CACNA2D3: variants seen among roughly 807,000 people sequenced by gnomAD.
The protein encoded by CACNA2D3 is calcium voltage-gated channel auxiliary subunit alpha2delta 3.
In CACNA2D3, 60 loss-of-function variants were observed where a neutral mutation model predicts 160.6. The observed-to-expected ratio is 0.37, with a 90% CI of 0.30 to 0.46. CACNA2D3 has a LOEUF of 0.46. Among genes scored for constraint, CACNA2D3 ranks in the 20% least tolerant of loss-of-function variants. The probability of loss-of-function intolerance (pLI) is 1.00; values close to 1 mark genes in which losing one functional copy is unlikely to be tolerated. For missense variants in CACNA2D3, 1,205 were observed against 1,365.0 expected (o/e 0.88, Z 1.85); for synonymous variants, 558 against 492.9 (o/e 1.13, Z -1.75).
chr3:54,293,919 C>A (rs1166391270), intron 2 of CACNA2D3, among the ~76,000 whole-genome samples: 1 of 152,014 alleles, frequency 6.6e-6, no homozygotes. Context: ...AATTGCACAC[C>A]CAAAAGAGTG....
intron 2 of CACNA2D3, among the ~76,000 whole-genome samples, chr3:54,203,804 C>G (rs1000033893): frequency 2.0e-5 from 3 of 152,088 alleles, no homozygotes; most frequent in Non-Finnish European, 4.4e-5. Context: ...TCTTCTTCCG[C>G]TGATGTGCCT....
intron 34 of CACNA2D3, among the ~76,000 whole-genome samples, chr3:55,011,701 A>G (rs1703215283): frequency 6.6e-6 from 1 of 152,196 alleles, no homozygotes; most frequent in African/African-American, 2.4e-5. Flanking sequence ...TATGGGAAAT[A>G]GGGAGTCAAT....
intron 35 of CACNA2D3, among the ~76,000 whole-genome samples, chr3:55,052,803 T>C (rs905899371): frequency 3.3e-5 from 5 of 152,180 alleles, no homozygotes; most frequent in Admixed American, 2.6e-4. Context: ...ATATAGCTAC[T>C]GCAGGTTCAT....
chr3:54,773,393 A>C (rs1559577230), intron 13 of CACNA2D3, among the ~76,000 whole-genome samples: 1 of 152,206 alleles, frequency 6.6e-6, no homozygotes, highest in Admixed American at 6.5e-5. Flanking sequence ...CAATCGTCAA[A>C]ACAAAGAGAC....
intron 11 of CACNA2D3, among the ~76,000 whole-genome samples, chr3:54,697,145 G>A (rs1280147555): frequency 1.3e-5 from 2 of 152,138 alleles, no homozygotes; most frequent in African/African-American, 4.8e-5. Context: ...AGGCATGGTG[G>A]TGCATGCTTG....
At chr3:54,709,437 CTAAAGCCT>C (rs2106960804) in intron 11 of CACNA2D3, among the ~76,000 whole-genome samples, 1 of 151,922 alleles carries the variant, frequency 6.6e-6, no homozygotes, top group Non-Finnish European at 1.5e-5. Context: ...TCTCGATTCA[CTAAAGCCT>C]TAGCCTCCTG....
At chr3:54,879,249 T>A (rs1699735562) in intron 19 of CACNA2D3, 101 bp from the exon 20 acceptor site, 1 of 935,336 alleles carries the variant, frequency 1.1e-6, no homozygotes, top group Non-Finnish European at 1.6e-6. Flanking sequence ...GTTAACCTGA[T>A]CATAGTGTGT....
chr3:54,555,437 C>T (rs1352502394), intron 5 of CACNA2D3, among the ~76,000 whole-genome samples: 3 of 152,070 alleles, frequency 2.0e-5, no homozygotes, highest in African/African-American at 7.2e-5. Context: ...AGAGAGAAGA[C>T]CCTATGTAGC....
chr3:54,459,570 C>A (rs1700461051), intron 4 of CACNA2D3, among the ~76,000 whole-genome samples: 1 of 152,082 alleles, frequency 6.6e-6, no homozygotes, highest in South Asian at 2.1e-4. Flanking sequence ...TAAATGTCTT[C>A]TTTTGAGAAG....
intron 9 of CACNA2D3, among the ~76,000 whole-genome samples, chr3:54,588,155 A>G (rs183381641): frequency 2.6e-5 from 4 of 152,248 alleles, no homozygotes; most frequent in African/African-American, 4.8e-5. Context: ...CCAATGTAAC[A>G]TCCATGTCAA....
At chr3:54,350,992 T>TTTTTG (rs1698551874) in intron 3 of CACNA2D3, among the ~76,000 whole-genome samples, 3 of 111,032 alleles carry the variant, frequency 2.7e-5, no homozygotes, top group Non-Finnish European at 5.9e-5. Context: ...GTTTGTTTTT[T>TTTTTG]TTTTTTTTTT....
At chr3:55,072,347 A>C (rs762633511) in intron 35 of CACNA2D3, among the ~76,000 whole-genome samples, 1 of 151,656 alleles carries the variant, frequency 6.6e-6, no homozygotes, top group East Asian at 1.9e-4. Flanking sequence ...ATTCTCATGG[A>C]TCATTCAACA....
chr3:54,465,517 C>T (rs1160713160), intron 4 of CACNA2D3, among the ~76,000 whole-genome samples: 1 of 152,050 alleles, frequency 6.6e-6, no homozygotes, highest in Middle Eastern at 3.2e-3. Context: ...TTCAGGCATC[C>T]ACTGGGAGTC....
chr3:54,647,275 G>A (rs1365926265), intron 11 of CACNA2D3, among the ~76,000 whole-genome samples: 1 of 152,176 alleles, frequency 6.6e-6, no homozygotes, highest in Non-Finnish European at 1.5e-5. Context: ...CATTTGTTAT[G>A]TAGCAGTAGA....
At chr3:54,226,893 T>C (rs770201193) in intron 2 of CACNA2D3, among the ~76,000 whole-genome samples, 5 of 152,228 alleles carry the variant, frequency 3.3e-5, no homozygotes, top group Non-Finnish European at 7.3e-5. Flanking sequence ...ACATATTATC[T>C]GTACTTGATC....
chr3:55,026,590 G>C (rs1703568005), intron 35 of CACNA2D3, among the ~76,000 whole-genome samples: 1 of 152,188 alleles, frequency 6.6e-6, no homozygotes, highest in Non-Finnish European at 1.5e-5. Context: ...TATCACCAGG[G>C]TGAGAAGTTG....
At chr3:54,820,247 T>C (rs1263009220) in intron 14 of CACNA2D3, among the ~76,000 whole-genome samples, 2 of 152,236 alleles carry the variant, frequency 1.3e-5, no homozygotes, top group Non-Finnish European at 2.9e-5. Flanking sequence ...TAGTTACGTC[T>C]CTGTAAACAT....
intron 2 of CACNA2D3, among the ~76,000 whole-genome samples, chr3:54,141,958 T>C (rs1261818864): frequency 6.6e-6 from 1 of 152,222 alleles, no homozygotes; most frequent in Non-Finnish European, 1.5e-5. Context: ...AATGTGAGAA[T>C]CAGGCATATC....
At chr3:54,489,876 T>C (rs1701079629) in intron 4 of CACNA2D3, among the ~76,000 whole-genome samples, 2 of 152,146 alleles carry the variant, frequency 1.3e-5, no homozygotes, top group Non-Finnish European at 2.9e-5. Context: ...TATAAATGAG[T>C]TAATACTTAG....
Sources: allele counts gnomAD v4.1 joint callset (sites outside exome capture counted in the v4.1 genomes callset), GRCh38; gene constraint gnomAD v4.1.1; transcripts MANE v1.5; gene names NCBI Gene and HGNC (gene_info 2026-07-23, HGNC 2026-07-21).